SAMD5: variants seen among roughly 807,000 people sequenced by gnomAD.
SAMD5 encodes sterile alpha motif domain containing 5, also known as sterile alpha motif domain-containing protein 5.
SAMD5 carries 13 observed loss-of-function variants against 11.3 expected under a neutral mutation model. The ratio of observed to expected loss-of-function variants is 1.15; its 90% confidence interval spans 0.75 to 1.83. The LOEUF (loss-of-function observed/expected upper bound fraction) is 1.83, where lower values mean the gene tolerates loss of function less well. SAMD5 is among the 40% of genes most tolerant of loss of function. SAMD5 has a pLI of 0.00. For missense variants in SAMD5, 255 were observed against 239.1 expected (o/e 1.07, Z -0.44); for synonymous variants, 129 against 111.3 (o/e 1.16, Z -1.00).
chr6:147,657,167 C>G lies in SAMD5; in HGVS notation c.163-80150C>G, dbSNP rs1790583133. ...CAAGAGAGTATAAGGAAGCTACGTA[C>G]TTTCTTATAGGTATGAAACAAGGAA... is the stretch of plus-strand genomic sequence containing the variant. On this transcript the variant is annotated intron_variant, in intron 1 of 1. Coordinates refer to the SAMD5 transcript ENST00000566741. Among the ~76,000 whole-genome samples the G allele has an allele frequency of 2.0e-5, 3 of 152,066 alleles. 1 individual carries two copies. Among genetic ancestry groups the G allele is most frequent in the Admixed American group, 2.0e-4 (3 of 15,258 alleles).
At chr6:147,511,652 C>T (rs1282122078) in intron 1 of SAMD5, among the ~76,000 whole-genome samples, 1 of 149,356 alleles carries the variant, frequency 6.7e-6, no homozygotes, top group Non-Finnish European at 1.5e-5. Flanking sequence ...CTGGCACTGA[C>T]AAACTTTATT....
chr6:147,615,607 C>T (rs1017011480), intron 1 of SAMD5, among the ~76,000 whole-genome samples: 1 of 152,084 alleles, frequency 6.6e-6, no homozygotes, highest in Non-Finnish European at 1.5e-5. Context: ...TTATTTCATT[C>T]ATGGTTGCGA....
At chr6:147,575,475 A>C (rs1583091352) in intron 1 of SAMD5, among the ~76,000 whole-genome samples, 4 of 152,366 alleles carry the variant, frequency 2.6e-5, no homozygotes, top group East Asian at 3.9e-4. Flanking sequence ...GTGTGTTTGC[A>C]CATTGTGGCA....
At chr6:147,598,424 T>C (rs1789568072) in intron 1 of SAMD5, among the ~76,000 whole-genome samples, 1 of 152,216 alleles carries the variant, frequency 6.6e-6, no homozygotes, top group South Asian at 2.1e-4. Flanking sequence ...GTGGCTAGCA[T>C]ATTCTTTTTA....
chr6:147,879,615 C>T, the SAMD5 span, among the ~76,000 whole-genome samples: 5 of 152,252 alleles, frequency 3.3e-5, no homozygotes, highest in Middle Eastern at 3.4e-3. Flanking sequence ...TTCATTTGTA[C>T]TAAGAGATCT....
At chr6:147,723,218 C>T (rs1047628897) in intron 1 of SAMD5, among the ~76,000 whole-genome samples, 1 of 152,118 alleles carries the variant, frequency 6.6e-6, no homozygotes, top group African/African-American at 2.4e-5. Context: ...ATTTCTGTTC[C>T]TTTTTCCCCT....
At chr6:147,787,985 C>T in the SAMD5 span, among the ~76,000 whole-genome samples, 20 of 152,078 alleles carry the variant, frequency 1.3e-4, no homozygotes, top group African/African-American at 3.9e-4. Flanking sequence ...CATAAGTATT[C>T]GGTGAATGGT....
At chr6:147,888,718 A>T in the SAMD5 span, among the ~76,000 whole-genome samples, 1 of 151,894 alleles carries the variant, frequency 6.6e-6, no homozygotes, top group Admixed American at 6.6e-5. Context: ...CCCCATCTCT[A>T]CTAAAAACAC....
chr6:147,734,345 A>T (rs1214030923), intron 1 of SAMD5, among the ~76,000 whole-genome samples: 3 of 152,218 alleles, frequency 2.0e-5, no homozygotes, highest in Non-Finnish European at 4.4e-5. Flanking sequence ...TCAGGGATCT[A>T]AGACAAAGCA....
the SAMD5 span, among the ~76,000 whole-genome samples, chr6:147,948,337 A>G: frequency 6.6e-6 from 1 of 151,884 alleles, no homozygotes; most frequent in Non-Finnish European, 1.5e-5. Flanking sequence ...TATACCCAAC[A>G]TCTGATGATT....
At chr6:147,822,097 T>G in the SAMD5 span, among the ~76,000 whole-genome samples, 1 of 152,196 alleles carries the variant, frequency 6.6e-6, no homozygotes, top group African/African-American at 2.4e-5. Context: ...ACAAAGCTCT[T>G]ATACAGTAAG....
chr6:147,846,626 C>A, the SAMD5 span, among the ~76,000 whole-genome samples: 1 of 152,152 alleles, frequency 6.6e-6, no homozygotes, highest in Non-Finnish European at 1.5e-5. Flanking sequence ...TTGATACCAG[C>A]CTGGCCAACG....
At chr6:147,839,570 C>T in the SAMD5 span, among the ~76,000 whole-genome samples, 2 of 151,986 alleles carry the variant, frequency 1.3e-5, no homozygotes, top group African/African-American at 2.4e-5. Flanking sequence ...GCCAACATGG[C>T]GAAACCCAGT....
chr6:147,573,487 G>A (rs1044048714), downstream of SAMD5, among the ~76,000 whole-genome samples: 1 of 152,158 alleles, frequency 6.6e-6, no homozygotes, highest in African/African-American at 2.4e-5. Context: ...CACCTCCCAT[G>A]AGGTCCCTCC....
the SAMD5 span, among the ~76,000 whole-genome samples, chr6:147,838,844 C>A: frequency 6.6e-6 from 1 of 152,032 alleles, no homozygotes; most frequent in African/African-American, 2.4e-5. Flanking sequence ...CGGTAAGGGC[C>A]GTGTCACACT....
At chr6:147,843,103 A>T in the SAMD5 span, among the ~76,000 whole-genome samples, 2 of 152,194 alleles carry the variant, frequency 1.3e-5, no homozygotes, top group African/African-American at 2.4e-5. Flanking sequence ...ACCTCAGGTA[A>T]TCTACCCACC....
the SAMD5 span, among the ~76,000 whole-genome samples, chr6:147,769,850 A>G: frequency 6.6e-6 from 1 of 152,160 alleles, no homozygotes; most frequent in African/African-American, 2.4e-5. Flanking sequence ...CCTTTGGTCT[A>G]TGGTCTACTT....
At chr6:147,825,656 T>C in the SAMD5 span, among the ~76,000 whole-genome samples, 1 of 152,190 alleles carries the variant, frequency 6.6e-6, no homozygotes, top group Non-Finnish European at 1.5e-5. Context: ...TTAATTTCCT[T>C]TGGTAAGCTT....
intron 1 of SAMD5, among the ~76,000 whole-genome samples, chr6:147,577,637 T>C (rs1789235823): frequency 6.6e-6 from 1 of 152,148 alleles, no homozygotes; most frequent in Non-Finnish European, 1.5e-5. Flanking sequence ...AGTAAATATA[T>C]TTTCTAAAAA....
Sources: gnomAD v4.1 joint callset for allele counts (sites outside exome capture counted in the v4.1 genomes callset) on GRCh38, gnomAD v4.1.1 for gene constraint, MANE v1.5 for transcripts, NCBI Gene and HGNC (gene_info 2026-07-23, HGNC 2026-07-21) for gene names.